Variants in QTGAL observed in about 807,000 individuals in gnomAD.
QTGAL encodes queuosine-tRNA galactosyltransferase, also known as BGnT-like protein 1.
the QTGAL span, among the ~76,000 whole-genome samples, chr17:83,040,033 C>G: frequency 6.6e-6 from 1 of 152,068 alleles, no homozygotes; most frequent in East Asian, 1.9e-4. Flanking sequence ...AAGACTCCCT[C>G]AGGACCAAGT....
At chr17:82,950,551 G>A in the QTGAL span, among the ~76,000 whole-genome samples, 56 of 152,230 alleles carry the variant, frequency 3.7e-4, 1 homozygote, top group East Asian at 5.0e-3. Context: ...AAATGTCCCC[G>A]GTAACTTGGA....
At chr17:82,957,041 G>A in the QTGAL span, 1 of 1,240,098 alleles carries the variant, frequency 8.1e-7, no homozygotes, top group Non-Finnish European at 1.2e-6. Context: ...CCCCAAGAAT[G>A]GGGGCTGGGC....
the QTGAL span, among the ~76,000 whole-genome samples, chr17:82,990,272 G>A: frequency 6.6e-6 from 1 of 152,336 alleles, no homozygotes; most frequent in South Asian, 2.1e-4. Flanking sequence ...CAATTATTTT[G>A]AAGCAGTCAG....
At chr17:83,011,996 G>A in the QTGAL span, among the ~76,000 whole-genome samples, 6 of 125,054 alleles carry the variant, frequency 4.8e-5, no homozygotes, top group Admixed American at 8.2e-5. Flanking sequence ...CGAACTCCTC[G>A]TATCCATAAG....
the QTGAL span, among the ~76,000 whole-genome samples, chr17:82,953,690 G>A: frequency 6.6e-6 from 1 of 152,040 alleles, no homozygotes; most frequent in East Asian, 1.9e-4. Flanking sequence ...ACCTGGCAGA[G>A]ACACAACAAA....
chr17:83,014,498 G>T, the QTGAL span: 1 of 1,614,112 alleles, frequency 6.2e-7, no homozygotes, highest in Non-Finnish European at 8.5e-7. Context: ...AGCCTCACCC[G>T]CTGGGGCATC....
the QTGAL span, among the ~76,000 whole-genome samples, chr17:83,030,388 G>A: frequency 6.6e-6 from 1 of 152,174 alleles, no homozygotes; most frequent in Non-Finnish European, 1.5e-5. Context: ...AGAAATAAAG[G>A]GATTAGCGGA....
chr17:83,001,559 C>T, the QTGAL span, among the ~76,000 whole-genome samples: 1 of 123,574 alleles, frequency 8.1e-6, no homozygotes, highest in African/African-American at 3.2e-5. Context: ...CGTAAAATTC[C>T]AGCAAACGTA....
chr17:82,997,246 A>T, the QTGAL span, among the ~76,000 whole-genome samples: 2 of 152,252 alleles, frequency 1.3e-5, no homozygotes. Context: ...CTGAACAGAC[A>T]CTTCTCAAAA....
chr17:82,983,617 A>G, the QTGAL span, among the ~76,000 whole-genome samples: 2 of 152,158 alleles, frequency 1.3e-5, no homozygotes, highest in Non-Finnish European at 2.9e-5. Flanking sequence ...TGGGGGAAGG[A>G]AAGGAACAGC....
chr17:83,035,004 T>C, the QTGAL span: 4 of 1,525,572 alleles, frequency 2.6e-6, no homozygotes, highest in African/African-American at 4.1e-5. Flanking sequence ...TGTACACATT[T>C]ATACATTATA....
At chr17:83,040,092 C>T in the QTGAL span, among the ~76,000 whole-genome samples, 30,854 of 152,130 alleles carry the variant, frequency 0.2, 3,286 homozygotes, top group Non-Finnish European at 0.24. Context: ...CATTCTAAAG[C>T]AGTGGCTCCT....
At chr17:83,036,436 A>G in the QTGAL span, among the ~76,000 whole-genome samples, 1 of 152,200 alleles carries the variant, frequency 6.6e-6, no homozygotes, top group African/African-American at 2.4e-5. Context: ...TGCCGGTTAC[A>G]TGGTGTGTGC....
chr17:82,958,051 G>T, the QTGAL span, among the ~76,000 whole-genome samples: 1 of 152,028 alleles, frequency 6.6e-6, no homozygotes, highest in Non-Finnish European at 1.5e-5. Flanking sequence ...CCCCATCGCT[G>T]CCCGGGCCCT....
At chr17:82,965,669 G>A in the QTGAL span, 2 of 1,610,720 alleles carry the variant, frequency 1.2e-6, no homozygotes, top group Non-Finnish European at 1.7e-6. Flanking sequence ...CCTCGTTAAA[G>A]GGGCCCACGT....
chr17:82,946,670 T>C, the QTGAL span, among the ~76,000 whole-genome samples: 4 of 151,122 alleles, frequency 2.6e-5, no homozygotes, highest in African/African-American at 9.7e-5. Context: ...AAGATAAAAG[T>C]TAATCAAAAC....
chr17:83,031,519 T>TTCCAGCGGGGAAGGGTGTAAACTC, the QTGAL span, among the ~76,000 whole-genome samples: 4 of 152,192 alleles, frequency 2.6e-5, no homozygotes, highest in African/African-American at 2.4e-5. Flanking sequence ...GCGCCACGTT[T>TTCCAGCGGGGAAGGGTGTAAACTC]AGACAGGGCT....
At chr17:82,946,860 C>A in the QTGAL span, 20 of 1,518,684 alleles carry the variant, frequency 1.3e-5, no homozygotes, top group Admixed American at 2.0e-5. Context: ...CCAGATGGTT[C>A]TTCGGTGAAA....
At chr17:82,996,564 A>G in the QTGAL span, among the ~76,000 whole-genome samples, 3 of 151,994 alleles carry the variant, frequency 2.0e-5, no homozygotes, top group African/African-American at 7.2e-5. Flanking sequence ...TAAAATTTAT[A>G]TGAAACCACA....
Sources: allele counts gnomAD v4.1 joint callset (sites outside exome capture counted in the v4.1 genomes callset), GRCh38; gene constraint gnomAD v4.1.1; transcripts MANE v1.5; gene names NCBI Gene and HGNC (gene_info 2026-07-23, HGNC 2026-07-21).